Variants in CCDC66 observed in about 807,000 individuals in gnomAD.
CCDC66 encodes coiled-coil domain containing 66.
CCDC66 carries 133 observed loss-of-function variants against 128.3 expected under a neutral mutation model. The ratio of observed to expected loss-of-function variants is 1.04; its 90% CI spans 0.90 to 1.20. CCDC66 has a LOEUF of 1.20. Among genes scored for constraint, CCDC66 ranks in the 50% most tolerant of loss-of-function variants. The pLI is 0.00. For synonymous variants in CCDC66, 387 were observed against 357.0 expected, an observed-to-expected ratio of 1.08 and a Z score of -0.95; for missense variants, 1,126 against 1,075.5, an observed-to-expected ratio of 1.05 and a Z score of -0.66.
At chr3:56,569,283 A>G (rs1341946360) in intron 6 of CCDC66, 1 of 293,786 alleles carries the variant, frequency 3.4e-6, no homozygotes. Context: ...AGACTGAATA[A>G]TTGATAAAAG....
At chr3:56,605,678 C>T (rs144308849) in intron 10 of CCDC66, among the ~76,000 whole-genome samples, 214 of 152,156 alleles carry the variant, frequency 1.4e-3, no homozygotes, top group Non-Finnish European at 2.4e-3. Flanking sequence ...ACATGCCAGC[C>T]AGAGCTCTCC....
chr3:56,617,941 A>G (rs1398263391), intron 14 of CCDC66: 1 of 580,780 alleles, frequency 1.7e-6, no homozygotes, highest in African/African-American at 1.9e-5. Context: ...GTATTCAAAT[A>G]CCCCTTTAAA....
chr3:56,610,531 A>G (rs1279649502), intron 10 of CCDC66, among the ~76,000 whole-genome samples: 3 of 152,112 alleles, frequency 2.0e-5, no homozygotes, highest in Non-Finnish European at 2.9e-5. Flanking sequence ...TCCCTCTCTG[A>G]TTAGCATAAT....
chr3:56,566,848 GA>G (rs2065925868), intron 5 of CCDC66, 89 bp downstream of exon 5: 1 of 1,466,040 alleles, frequency 6.8e-7, no homozygotes, highest in Non-Finnish European at 9.4e-7. Flanking sequence ...TAGTTACTCT[GA>G]ATACTTAGAG....
chr3:56,569,572 A>T (rs1047669434), intron 6 of CCDC66: 3 of 153,230 alleles, frequency 2.0e-5, no homozygotes, highest in African/African-American at 7.2e-5. Flanking sequence ...CCCCACCTCC[A>T]ACACTGGGGA....
chr3:56,599,217 A>G (rs192595238), intron 10 of CCDC66, among the ~76,000 whole-genome samples: 6 of 152,148 alleles, frequency 3.9e-5, no homozygotes, highest in African/African-American at 1.2e-4. Flanking sequence ...AGTTGTTCAT[A>G]ATAGCCTCTG....
At chr3:56,562,572 G>A (rs1447897206) in intron 3 of CCDC66, among the ~76,000 whole-genome samples, 2 of 152,132 alleles carry the variant, frequency 1.3e-5, no homozygotes, top group African/African-American at 2.4e-5. Context: ...ACCTCTGCAC[G>A]TGAGAATCAG....
In CCDC66 at chr3:56,619,263, T is replaced by A; in HGVS notation, c.2379-8T>A. 6.4e-7 allele frequency: 1 copy of A among 1,556,052 alleles called. No individual in the cohort carries two copies. The highest frequency in any genetic ancestry group is 8.7e-7 in the Non-Finnish European group (1 of 1,155,540). On this transcript the variant is annotated splice_region_variant and splice_polypyrimidine_tract_variant and intron_variant, in intron 15 of 17. Transcript: ENST00000394672. ...TACACAATTTTTTACTATTTTTTTT[T>A]TAAATAGGTCTCCATCATCACCAGT...
At chr3:56,580,732 T>C (rs2068215922) in intron 7 of CCDC66, among the ~76,000 whole-genome samples, 3 of 151,964 alleles carry the variant, frequency 2.0e-5, no homozygotes, top group African/African-American at 7.2e-5. Context: ...ATGTTGAATA[T>C]TGGCCCCCAC....
chr3:56,588,732 T>C (rs2070300033), intron 7 of CCDC66, among the ~76,000 whole-genome samples: 1 of 152,172 alleles, frequency 6.6e-6, no homozygotes, highest in Non-Finnish European at 1.5e-5. Flanking sequence ...TAGATATCAG[T>C]AACAAATAGT....
chr3:56,564,102 C>T lies in CCDC66; in HGVS notation c.521C>T (p.Thr174Ile), dbSNP rs1302527954. The T allele has an allele frequency of 6.3e-7, 1 of 1,597,296 alleles. No homozygotes were observed. The part of the protein sequence containing the change: ...VNQGNRSLSL[T>I]ENGKEAKSQY... ...CAAGGAAATAGATCTCTTTCCCTGACTGAGAATGGAAAGGAGGCAAAAAGT... is the reference window on the plus strand; with the variant it reads ...CAAGGAAATAGATCTCTTTCCCTGATTGAGAATGGAAAGGAGGCAAAAAGT... The change falls in exon 4 of 18, where the codon ACT becomes ATT. Residue 174 changes from threonine (T) to isoleucine (I), a missense_variant. Coordinates refer to ENST00000394672, the MANE Select transcript of CCDC66 (RefSeq NM_001141947.3).
chr3:56,574,649 T>C (rs1405424177), intron 7 of CCDC66, among the ~76,000 whole-genome samples: 1 of 151,868 alleles, frequency 6.6e-6, no homozygotes, highest in Non-Finnish European at 1.5e-5. Context: ...GTGCTTAGAA[T>C]AGTGACTGAC....
chr3:56,613,066 A>AG (rs1345400937), intron 10 of CCDC66, among the ~76,000 whole-genome samples: 5 of 152,136 alleles, frequency 3.3e-5, no homozygotes, highest in Non-Finnish European at 7.4e-5. Flanking sequence ...GTGGAGATGC[A>AG]GGGGCTGTTG....
Position 56,583,421 on chromosome 3 carries a change from G to C in CCDC66, c.937-9549G>C, listed in dbSNP as rs191859201. Reference sequence around the variant, plus strand: ...ATAAACAAGTGAACAAAGGTCTCTGGTTCTCCTAGGCAGAGGACCCTGCGG... The same window carrying C: ...ATAAACAAGTGAACAAAGGTCTCTGCTTCTCCTAGGCAGAGGACCCTGCGG... On this transcript the variant is annotated intron_variant, in intron 7 of 17. Coordinates refer to ENST00000394672, the MANE Select transcript of CCDC66 (RefSeq NM_001141947.3). Among the ~76,000 whole-genome samples the C allele has an allele frequency of 3.2e-3, 482 of 152,008 alleles. 4 individuals are homozygous for C. The highest frequency in any genetic ancestry group is 5.1e-3 in the Non-Finnish European group (347 of 68,018).
chr3:56,593,983 G>A lies in CCDC66; in HGVS notation c.1359G>A (p.Gln453=). 1 of 1,614,200 alleles carries A rather than the reference G, an allele frequency of 6.2e-7. No homozygotes were observed. Among genetic ancestry groups the A allele is most frequent in the Non-Finnish European group, 8.5e-7 (1 of 1,180,034 alleles). Residue 453 remains glutamine (Q), a synonymous_variant, in exon 10 of 18, where the codon CAG becomes CAA. Transcript: ENST00000394672. ...RSMTALLDPA[Q]IEERDRRRQK... ...TGACTGCTCTCTTGGACCCAGCTCA[G>A]ATTGAGGAACGAGACAGACGACGAC... is the stretch of plus-strand genomic sequence containing the variant.
chr3:56,557,284 G>A (rs1036319435), intron 1 of CCDC66, 31 bp downstream of exon 1: 2 of 1,550,454 alleles, frequency 1.3e-6, no homozygotes, highest in African/African-American at 2.7e-5. Flanking sequence ...GTAAGCTGGG[G>A]TAAGCAAGGT....
intron 10 of CCDC66, among the ~76,000 whole-genome samples, chr3:56,606,633 G>A (rs2074108815): frequency 6.6e-6 from 1 of 151,990 alleles, no homozygotes; most frequent in South Asian, 2.1e-4. Context: ...CAGTCCCAAT[G>A]AGATGAACTA....
chr3:56,559,637 A>C, intron 3 of CCDC66, 43 bp downstream of exon 3: 1 of 1,458,370 alleles, frequency 6.9e-7, no homozygotes, highest in Non-Finnish European at 9.2e-7. Flanking sequence ...CAAATGTAAA[A>C]TGCAGTTTTA....
intron 6 of CCDC66, among the ~76,000 whole-genome samples, chr3:56,568,413 T>C (rs1490713032): frequency 6.6e-6 from 1 of 152,212 alleles, no homozygotes; most frequent in Non-Finnish European, 1.5e-5. Flanking sequence ...GTATATCTTT[T>C]AGTATGATAT....
Sources: gnomAD v4.1 joint callset for allele counts (sites outside exome capture counted in the v4.1 genomes callset) on GRCh38, gnomAD v4.1.1 for gene constraint, MANE v1.5 for transcripts, NCBI Gene and HGNC (gene_info 2026-07-23, HGNC 2026-07-21) for gene names.